Variants in TBC1D8 observed in about 807,000 individuals in gnomAD.
TBC1D8 encodes the protein TBC1 domain family member 8.
In TBC1D8, 65 loss-of-function variants were observed where a neutral mutation model predicts 118.8. The observed-to-expected ratio is 0.55, with a 90% CI of 0.45 to 0.67. TBC1D8 has a LOEUF of 0.67. Ranked by LOEUF, TBC1D8 falls within the 30% of genes least tolerant of loss-of-function variation. The pLI, the probability that TBC1D8 is intolerant of heterozygous loss-of-function variation, is 0.00. For missense variants in TBC1D8, 1,376 were observed against 1,471.2 expected (o/e 0.94, Z 1.06); for synonymous variants, 566 against 595.8 (o/e 0.95, Z 0.73).
At chr2:101,089,062 A>G (rs1675831994) in intron 2 of TBC1D8, among the ~76,000 whole-genome samples, 3 of 151,814 alleles carry the variant, frequency 2.0e-5, no homozygotes, top group South Asian at 2.1e-4. Flanking sequence ...AAGAATTCCA[A>G]TGTTGGCCAG....
intron 17 of TBC1D8, among the ~76,000 whole-genome samples, chr2:101,017,522 A>G (rs1258517531): frequency 6.6e-6 from 1 of 152,182 alleles, no homozygotes; most frequent in African/African-American, 2.4e-5. Context: ...ATCCTATGGG[A>G]CCACCATCAT....
At position 101,054,008 on chromosome 2, in the gene TBC1D8, T is replaced by G. The variant is rs571054964; in HGVS notation, c.631+100A>C. 51 of 1,080,714 alleles carry G rather than the reference T, an allele frequency of 4.7e-5. No individual in the cohort carries two copies. The South Asian group carries it at 7.8e-4, about 17-fold the overall frequency. The allele number at this position is 1,080,714 out of a possible 1,614,324, so 66.9% of individuals were successfully genotyped here. On this transcript the variant is annotated intron_variant, in intron 4 of 19. Coordinates refer to ENST00000409318, the MANE Select transcript of TBC1D8 (RefSeq NM_001330348.2). ...CCTGGTGTCATCTCCACCATTTATT[T>G]AAATCTGTCCAACTCTTCCTGTTAA...
chr2:101,046,701 G>A lies in TBC1D8; in HGVS notation c.872+3700C>T, dbSNP rs201540843. Among the ~76,000 whole-genome samples, 42 of 152,230 alleles carry A rather than the reference G, an allele frequency of 2.8e-4. No individual in the cohort carries two copies. In the East Asian group the frequency reaches 4.1e-3, roughly 15 times the overall value. ...GAGAGTGGGGGGAGGGGAGGAAAGG[G>A]GAAGGCCAAAGAGGGTCTGCAAAGC... On this transcript the variant is annotated intron_variant, in intron 5 of 19. Transcript: ENST00000409318.
intron 1 of TBC1D8, among the ~76,000 whole-genome samples, chr2:101,134,474 CT>C (rs1269303241): frequency 1.3e-5 from 2 of 152,208 alleles, no homozygotes; most frequent in Admixed American, 1.3e-4. Flanking sequence ...GTGGCTTAAA[CT>C]GCAGAAGTTT....
chr2:101,054,070 C>T (rs376007533), intron 4 of TBC1D8, 38 bp downstream of exon 4: 174 of 1,572,962 alleles, frequency 1.1e-4, no homozygotes, highest in Non-Finnish European at 1.5e-4. Flanking sequence ...TCCCTGGGGC[C>T]AACTTTATCT....
intron 17 of TBC1D8, among the ~76,000 whole-genome samples, chr2:101,016,244 C>T (rs1679626443): frequency 6.6e-6 from 1 of 152,114 alleles, no homozygotes; most frequent in Non-Finnish European, 1.5e-5. Flanking sequence ...ACAAACAACG[C>T]CATCAAAAAG....
At chr2:101,009,790 C>T (rs1325450837) in intron 19 of TBC1D8, among the ~76,000 whole-genome samples, 1 of 151,454 alleles carries the variant, frequency 6.6e-6, no homozygotes, top group Admixed American at 6.6e-5. Flanking sequence ...GTCCACAGCA[C>T]CAAAATGACT....
At chr2:101,096,630 A>G (rs954180928) in intron 1 of TBC1D8, among the ~76,000 whole-genome samples, 1 of 152,072 alleles carries the variant, frequency 6.6e-6, no homozygotes, top group Non-Finnish European at 1.5e-5. Flanking sequence ...AACTCTGAGG[A>G]AGAATTAATA....
At chr2:101,122,001 G>A (rs1394109190) in intron 1 of TBC1D8, among the ~76,000 whole-genome samples, 1 of 152,060 alleles carries the variant, frequency 6.6e-6, no homozygotes, top group Non-Finnish European at 1.5e-5. Flanking sequence ...GGTAGGCAGA[G>A]GTTGCAGTGA....
At chr2:101,143,349 C>T (rs1199249018) in intron 1 of TBC1D8, among the ~76,000 whole-genome samples, 1 of 152,088 alleles carries the variant, frequency 6.6e-6, no homozygotes, top group Non-Finnish European at 1.5e-5. Context: ...ACATGAGCCA[C>T]CACGCACAGA....
intron 2 of TBC1D8, among the ~76,000 whole-genome samples, chr2:101,062,136 T>C (rs1682788464): frequency 6.6e-6 from 1 of 152,232 alleles, no homozygotes; most frequent in Admixed American, 6.5e-5. Context: ...GGGTCAGCAA[T>C]GGTGTCTCTC....
intron 2 of TBC1D8, among the ~76,000 whole-genome samples, chr2:101,074,248 A>C (rs1674659703): frequency 6.6e-6 from 1 of 152,244 alleles, no homozygotes; most frequent in African/African-American, 2.4e-5. Context: ...TGGGTGGAGC[A>C]GTCAGAATAC....
intron 6 of TBC1D8, among the ~76,000 whole-genome samples, chr2:101,039,582 G>A (rs1681251410): frequency 1.3e-5 from 2 of 152,206 alleles, no homozygotes; most frequent in Non-Finnish European, 2.9e-5. Flanking sequence ...CACCAGAATT[G>A]CTGCCCTGAA....
chr2:101,063,974 G>A (rs1299862257), intron 2 of TBC1D8, among the ~76,000 whole-genome samples: 3 of 152,106 alleles, frequency 2.0e-5, no homozygotes, highest in Non-Finnish European at 4.4e-5. Context: ...GTCATCCATT[G>A]AAGACGCAGG....
intron 17 of TBC1D8, among the ~76,000 whole-genome samples, chr2:101,015,219 G>A (rs1317554767): frequency 6.6e-6 from 1 of 152,036 alleles, no homozygotes; most frequent in Non-Finnish European, 1.5e-5. Context: ...TGTAGAAAAG[G>A]TGCTATAAAA....
intron 1 of TBC1D8, among the ~76,000 whole-genome samples, chr2:101,101,647 C>T (rs1574035767): frequency 6.6e-6 from 1 of 152,130 alleles, no homozygotes; most frequent in South Asian, 2.1e-4. Flanking sequence ...GGAAACAACC[C>T]AAATGCCCAT....
At chr2:101,076,463 G>A (rs1205054905) in intron 2 of TBC1D8, among the ~76,000 whole-genome samples, 1 of 152,216 alleles carries the variant, frequency 6.6e-6, no homozygotes, top group Non-Finnish European at 1.5e-5. Context: ...GCAGCCTATA[G>A]AGTATTCTTC....
chr2:101,066,489 A>C (rs1461788714), intron 2 of TBC1D8, among the ~76,000 whole-genome samples: 1 of 152,158 alleles, frequency 6.6e-6, no homozygotes, highest in Non-Finnish European at 1.5e-5. Flanking sequence ...AAAGTTAACT[A>C]TTGGGTTATT....
At chr2:101,141,447 T>C (rs1167943111) in intron 1 of TBC1D8, among the ~76,000 whole-genome samples, 1 of 152,154 alleles carries the variant, frequency 6.6e-6, no homozygotes, top group East Asian at 1.9e-4. Flanking sequence ...CTAGAAGTTG[T>C]CCTGCAGCCT....
Sources: allele counts gnomAD v4.1 joint callset (sites outside exome capture counted in the v4.1 genomes callset), GRCh38; gene constraint gnomAD v4.1.1; transcripts MANE v1.5; gene names NCBI Gene and HGNC (gene_info 2026-07-23, HGNC 2026-07-21).